The following HPD variants were observed in gnomAD, a reference collection of about 807,000 sequenced individuals.
HPD encodes the protein 4-hydroxyphenylpyruvic acid oxidase.
HPD carries 35 observed loss-of-function variants against 56.9 expected under a neutral mutation model. The ratio of observed to expected loss-of-function variants is 0.62; its 90% CI spans 0.47 to 0.82. HPD has a LOEUF of 0.82. Ranked by LOEUF, HPD falls within the 40% of genes least tolerant of loss-of-function variation. The pLI, the probability that HPD is intolerant of heterozygous loss-of-function variation, is 0.00. For synonymous variants in HPD, 186 were observed against 200.2 expected, an observed-to-expected ratio of 0.93 and a Z score of 0.60; for missense variants, 442 against 506.8, an observed-to-expected ratio of 0.87 and a Z score of 1.23.
At chr12:121,881,889 G>GC in the HPD span, among the ~76,000 whole-genome samples, 3 of 138,160 alleles carry the variant, frequency 2.2e-5, 1 homozygote, top group African/African-American at 7.4e-5. Context: ...CTCATGATCC[G>GC]CCCACCTCAG....
intron 11 of HPD, 81 bp downstream of exon 11, chr12:121,846,781 G>T (rs915720759): frequency 7.3e-7 from 1 of 1,360,624 alleles, no homozygotes; most frequent in Non-Finnish European, 1.0e-6. Flanking sequence ...CAGGACTGCC[G>T]CCACCCGCCC....
At chr12:121,844,296 C>T (rs1185426250) in intron 11 of HPD, among the ~76,000 whole-genome samples, 3 of 152,004 alleles carry the variant, frequency 2.0e-5, no homozygotes, top group African/African-American at 7.2e-5. Flanking sequence ...CCACCTACCT[C>T]GGCCTCCCAA....
At chr12:121,878,606 C>T in the HPD span, among the ~76,000 whole-genome samples, 1 of 152,062 alleles carries the variant, frequency 6.6e-6, no homozygotes, top group Non-Finnish European at 1.5e-5. Context: ...ACCTCAGCCT[C>T]CCAAAGTGTT....
At chr12:121,840,166 G>A (rs1426946406) in intron 12 of HPD, 118 bp from the exon 13 acceptor site, 8 of 762,846 alleles carry the variant, frequency 1.0e-5, no homozygotes, top group Non-Finnish European at 1.4e-5. Context: ...TGGCAGTTCA[G>A]CCACCTCCAA....
At chr12:121,878,642 C>T in the HPD span, among the ~76,000 whole-genome samples, 7 of 151,836 alleles carry the variant, frequency 4.6e-5, no homozygotes, top group Non-Finnish European at 8.8e-5. Context: ...AACCACTGTG[C>T]CCAGGTTACA....
At chr12:121,853,140 A>T (rs940841582) in intron 7 of HPD, among the ~76,000 whole-genome samples, 1 of 152,116 alleles carries the variant, frequency 6.6e-6, no homozygotes, top group Non-Finnish European at 1.5e-5. Context: ...AAAGATGGAC[A>T]CATCACGGGG....
chr12:121,864,880 AAC>A (rs1353403736), upstream of HPD, among the ~76,000 whole-genome samples: 240 of 151,888 alleles, frequency 1.6e-3, no homozygotes, highest in Middle Eastern at 6.8e-3. Flanking sequence ...CAACAACAAC[AAC>A]AAAAAACTCC....
intron 8 of HPD, among the ~76,000 whole-genome samples, 166 bp downstream of exon 8, chr12:121,849,521 C>T (rs1305779459): frequency 6.6e-6 from 1 of 152,114 alleles, no homozygotes; most frequent in Admixed American, 6.6e-5. Context: ...AGGCCATGGT[C>T]TCAGCCTCTG....
At chr12:121,843,338 C>T (rs1005041677) in intron 12 of HPD, among the ~76,000 whole-genome samples, 2 of 152,248 alleles carry the variant, frequency 1.3e-5, no homozygotes, top group Non-Finnish European at 2.9e-5. Context: ...TCAGGGCATG[C>T]TCCTACCTCG....
At position 121,856,813 on chromosome 12, in the gene HPD, C is replaced by A. The variant is rs1878018757; in HGVS notation, c.199-188G>T. The stretch of plus-strand genomic sequence containing the variant: ...TGAGGGATGGGGCTTTCAGCCAGAC[C>A]CCCTCTGGATCCTCAGAGGAACTGC... On this transcript the variant is annotated intron_variant, in intron 4 of 13. Transcript: ENST00000289004. The A allele has an allele frequency of 2.3e-5, 15 of 649,854 alleles. No individual in the cohort carries two copies. The Admixed American group carries it at 2.5e-4, about 11-fold the overall frequency. 40.3% of individuals were successfully genotyped at this position (649,854 alleles called of 1,614,324 possible).
At chr12:121,886,954 C>T in the HPD span, among the ~76,000 whole-genome samples, 1 of 152,144 alleles carries the variant, frequency 6.6e-6, no homozygotes, top group Admixed American at 6.6e-5. Flanking sequence ...GGCTGGAGTG[C>T]AGTGACATGA....
At chr12:121,866,605 T>C (rs1281656257), upstream of HPD, among the ~76,000 whole-genome samples, 2 of 152,042 alleles carry the variant, frequency 1.3e-5, no homozygotes, top group Admixed American at 1.3e-4. Flanking sequence ...CCAAGCTTAG[T>C]GACTTCAGGG....
chr12:121,856,349 A>G lies in HPD; in HGVS notation c.299T>C (p.Val100Ala). ...CTGCACGATGTAGTCACAATCTTCC[A>G]CCTCGAACGCAATGTCCTTCACTCC... ...GDGVKDIAFE[V>A]EDCDYIVQKA... The change falls in exon 6 of 14, where the codon GTG becomes GCG. Residue 100 changes from valine (V) to alanine (A), a missense_variant. Physicochemically the swap from Val to Ala is moderately conservative, Grantham distance 64 (BLOSUM62 0). Coordinates refer to ENST00000289004, the MANE Select transcript of HPD (RefSeq NM_002150.3). 6.2e-7 allele frequency: 1 copy of G among 1,613,668 alleles called. No individual in the cohort carries two copies. Among genetic ancestry groups the G allele is most frequent in the Non-Finnish European group, 8.5e-7 (1 of 1,179,878 alleles).
In HPD at chr12:121,849,703, G is replaced by A. The variant is rs1490107850; in HGVS notation, c.502C>T (p.Pro168Ser). The A allele has an allele frequency of 3.1e-6, 5 of 1,611,624 alleles. No individual in the cohort carries two copies. The African/African-American group carries it at 6.7e-5, about 22-fold the overall frequency. ...GACACTCACAGTTTAGGAAGTAGGG[G>A]GTCCATGAACGCTGGGGCCTCATAT... Reference protein sequence around the residue: ...PGYEAPAFMDPLLPKLPKCSL... With the variant: ...PGYEAPAFMDSLLPKLPKCSL... Residue 168 changes from proline to serine, a missense_variant, in exon 8 of 14, where the codon CCC becomes TCC. Physicochemically the swap from Pro to Ser is moderately conservative, Grantham distance 74 (BLOSUM62 -1). Transcript: ENST00000289004.
intron 6 of HPD, among the ~76,000 whole-genome samples, chr12:121,856,106 AC>A (rs1242993816): frequency 1.3e-5 from 2 of 151,626 alleles, no homozygotes; most frequent in Non-Finnish European, 2.9e-5. Flanking sequence ...AAGGCAGGGC[AC>A]CCCCGGAGCC....
chr12:121,880,157 AAAG>A, the HPD span, among the ~76,000 whole-genome samples: 1 of 149,256 alleles, frequency 6.7e-6, no homozygotes, highest in East Asian at 1.9e-4. Flanking sequence ...AAAATGAAAA[AAAG>A]AAAAAAAAAA....
At position 121,851,866 on chromosome 12, in the gene HPD, C is replaced by T. The variant is rs76013431; in HGVS notation, c.415-2076G>A. Among the ~76,000 whole-genome samples, 160 of 29,586 alleles carry T rather than the reference C, an allele frequency of 5.4e-3. 3 individuals are homozygous for T. The highest frequency in any genetic ancestry group is 7.7e-3 in the Admixed American group (28 of 3,652). 19.4% of individuals were successfully genotyped at this position (29,586 alleles called of 152,430 possible). A position where few individuals can be genotyped will look rare whatever the true frequency, so the allele number is the denominator to read the frequency against. ...CTGGGACTACAGGCGCCCGCTACCACGCCCGGCTACTTTTTTGTATTTTTT... is the reference window on the plus strand; with the variant it reads ...CTGGGACTACAGGCGCCCGCTACCATGCCCGGCTACTTTTTTGTATTTTTT... On this transcript the variant is annotated intron_variant, in intron 7 of 13. Coordinates refer to ENST00000289004, the MANE Select transcript of HPD (RefSeq NM_002150.3).
At chr12:121,865,999 G>GCAAAA (rs1453800060), upstream of HPD, among the ~76,000 whole-genome samples, 1 of 148,224 alleles carries the variant, frequency 6.7e-6, no homozygotes, top group African/African-American at 2.5e-5. Context: ...AAAAAACAAA[G>GCAAAA]CAAAACAAAA....
At chr12:121,858,916 C>A (rs1878104129), upstream of HPD, 4 of 1,463,822 alleles carry the variant, frequency 2.7e-6, no homozygotes, top group Non-Finnish European at 2.9e-6. Flanking sequence ...CCCAGGCCTC[C>A]TGGCCTACCT....
Sources: gnomAD v4.1 joint callset for allele counts (sites outside exome capture counted in the v4.1 genomes callset) on GRCh38, gnomAD v4.1.1 for gene constraint, MANE v1.5 for transcripts, NCBI Gene and HGNC (gene_info 2026-07-23, HGNC 2026-07-21) for gene names.